The following FBXL19 variants were observed in gnomAD, a reference collection of about 807,000 sequenced individuals.
FBXL19 encodes the protein F-box/LRR-repeat protein 19.
A neutral mutation model predicts 71.2 loss-of-function variants in FBXL19; 16 were observed. The ratio of observed to expected loss-of-function variants is 0.22; its 90% CI spans 0.15 to 0.34. The LOEUF is 0.34. FBXL19 is among the 10% of genes least tolerant of loss of function. The probability of loss-of-function intolerance (pLI) is 1.00; values close to 1 mark genes in which losing one functional copy is unlikely to be tolerated. For missense variants in FBXL19, 658 were observed against 968.2 expected, an observed-to-expected ratio of 0.68 and a Z score of 4.25; for synonymous variants, 447 against 409.4, an observed-to-expected ratio of 1.09 and a Z score of -1.11.
intron 7 of FBXL19, among the ~76,000 whole-genome samples, chr16:30,941,486 A>G (rs1222695599): frequency 1.3e-5 from 2 of 152,116 alleles, no homozygotes; most frequent in Admixed American, 6.6e-5. Flanking sequence ...TTTTTTCAAA[A>G]AGTGGAAAAC....
Position 30,928,479 on chromosome 16 carries a change from C to G in FBXL19, c.640C>G (p.Arg214Gly), listed in dbSNP as rs746191715. ...CTCACCCTGGTAGGTGAAAGGAGGCCGAGAGAGGCACCTGAAGAAGGTGGG... is the reference window on the plus strand; with the variant it reads ...CTCACCCTGGTAGGTGAAAGGAGGCGGAGAGAGGCACCTGAAGAAGGTGGG... ...PTPRKKVKGG[R>G]ERHLKKVGGD... The change falls in exon 6 of 11, where the codon CGA (arginine) becomes GGA (glycine). Residue 214 changes from arginine to glycine, a missense_variant. By Grantham distance (125) the Arg-to-Gly change is moderately radical. Coordinates refer to ENST00000338343, the MANE Select transcript of FBXL19 (RefSeq NM_001382779.1). 1.9e-6 allele frequency: 3 copies of G among 1,588,458 alleles called. No homozygotes were observed. Among genetic ancestry groups the G allele is most frequent in the East Asian group, 2.3e-5 (1 of 43,196 alleles).
In FBXL19 at chr16:30,942,289, G is replaced by A. The variant is rs1210795857; in HGVS notation, c.1465+10G>A. 1.3e-6 allele frequency: 2 copies of A among 1,598,490 alleles called. No homozygotes were observed. The highest frequency in any genetic ancestry group is 3.5e-5 in the Admixed American group (2 of 57,880). On this transcript the variant is annotated intron_variant, in intron 8 of 10. Transcript: ENST00000338343. The surrounding 1 kb of genome is among the most constrained non-coding windows in gnomAD (Gnocchi z 5.7). ...CTGAACCGACTACAAGGTAGGGTGT[G>A]TGGTACGGAGGACAGGGTGGGGACA...
Position 30,930,201 on chromosome 16 carries a change from C to G in FBXL19, c.918C>G (p.Ser306=). 6.2e-7 allele frequency: 1 copy of G among 1,613,212 alleles called. No individual in the cohort carries two copies. Among genetic ancestry groups the G allele is most frequent in the South Asian group, 1.1e-5 (1 of 91,092 alleles). Reference sequence around the variant, plus strand: ...AACGGGTGCCTGACACCTCCTCTTCCTCCTCGGACTCAGACTCCGACTCCG... The same window carrying G: ...AACGGGTGCCTGACACCTCCTCTTCGTCCTCGGACTCAGACTCCGACTCCG... The part of the protein sequence containing the change: ...LLERVPDTSS[S]SSDSDSDSDS... The change falls in exon 7 of 11, where the codon TCC becomes TCG. Residue 306 remains serine (S), a synonymous_variant. Coordinates refer to ENST00000338343, the MANE Select transcript of FBXL19 (RefSeq NM_001382779.1). The surrounding 1 kb of genome is among the most constrained non-coding windows in gnomAD (Gnocchi z 8.5).
rs772220735 is a variant in FBXL19 at position 30,925,919 on chromosome 16, G to A, written c.165G>A (p.Arg55=). The A allele has an allele frequency of 4.0e-6, 6 of 1,488,766 alleles. No homozygotes were observed. The highest frequency in any genetic ancestry group is 2.8e-5 in the South Asian group (2 of 71,308). 92.2% of individuals were successfully genotyped at this position (1,488,766 alleles called of 1,614,324 possible). A position where few individuals can be genotyped will look rare whatever the true frequency, so the allele number is the denominator to read the frequency against. Residue 55 remains arginine, a synonymous_variant, in exon 2 of 11, where the codon CGG becomes CGA. Coordinates refer to ENST00000338343, the MANE Select transcript of FBXL19 (RefSeq NM_001382779.1). The surrounding 1 kb of genome is among the most constrained non-coding windows in gnomAD (Gnocchi z 5.0). The stretch of plus-strand genomic sequence containing the variant: ...GCATGAAGCAGTCGTGCCTGCTCCG[G>A]CAGTGCACTGCCGTGAGTTCTGCCC... ...PGRMKQSCLL[R]QCTAPVLPHT...
rs1258639019 is a variant in FBXL19, at chr16:30,930,049, A to G, written c.790-24A>G. The G allele has an allele frequency of 1.9e-6, 3 of 1,600,216 alleles. No homozygotes were observed. The East Asian group carries it at 6.7e-5, about 36-fold the overall frequency. ...GAAAATGTATCCCAGGCCCTAGAAC[A>G]GCATCAACCCTGTCTCCCTGCAGAA... On this transcript the variant is annotated intron_variant, in intron 6 of 10. Transcript: ENST00000338343. This position sits in a 1 kb window ranked among gnomAD's most constrained non-coding sequence, Gnocchi z 8.5.
intron 7 of FBXL19, among the ~76,000 whole-genome samples, chr16:30,936,012 T>C (rs1031509166): frequency 1.3e-5 from 2 of 152,162 alleles, no homozygotes; most frequent in African/African-American, 4.8e-5. Context: ...GTTGGACATA[T>C]GGACATGAAC....
At chr16:30,923,525 A>T (rs867295893), upstream of FBXL19, among the ~76,000 whole-genome samples, 12 of 72,502 alleles carry the variant, frequency 1.7e-4, no homozygotes, top group African/African-American at 6.6e-4. Context: ...AAAGAGGGGG[A>T]GGAGGAGGAG....
chr16:30,925,058 T>C lies in FBXL19; in HGVS notation c.-25+599T>C, dbSNP rs897904326. Among the ~76,000 whole-genome samples the C allele has an allele frequency of 6.6e-6, 1 of 152,106 alleles. No individual in the cohort carries two copies. Among genetic ancestry groups the C allele is most frequent in the Non-Finnish European group, 1.5e-5 (1 of 68,008 alleles). On this transcript the variant is annotated intron_variant, in intron 1 of 10. Transcript: ENST00000338343. The surrounding 1 kb of genome is among the most constrained non-coding windows in gnomAD (Gnocchi z 5.0). ...TGGGGAACAAGAGGGGCTGAGATCT[T>C]GGGCTGAGAAGGGTCTCTGAAGAAG...
intron 6 of FBXL19, 134 bp downstream of exon 6, chr16:30,928,762 C>G: frequency 6.4e-6 from 1 of 155,600 alleles, no homozygotes; most frequent in South Asian, 1.2e-4. Context: ...TGTCCGGACA[C>G]CTGGGATGAG....
intron 7 of FBXL19, among the ~76,000 whole-genome samples, chr16:30,938,608 T>G (rs1385336144): frequency 2.0e-5 from 3 of 152,158 alleles, no homozygotes; most frequent in Non-Finnish European, 4.4e-5. Flanking sequence ...AAAGGAAGTC[T>G]TTCCATTGGA....
At chr16:30,936,616 T>C (rs1400754158) in intron 7 of FBXL19, among the ~76,000 whole-genome samples, 1 of 148,166 alleles carries the variant, frequency 6.7e-6, no homozygotes, top group African/African-American at 2.5e-5. Flanking sequence ...TTTTTTTTTT[T>C]TTTTGTTTTT....
At position 30,930,343 on chromosome 16, in the gene FBXL19, C is replaced by T. The variant is rs1234120697; in HGVS notation, c.1060C>T (p.Arg354Cys). 11 of 1,587,576 alleles carry T rather than the reference C, an allele frequency of 6.9e-6. No individual in the cohort carries two copies. The highest frequency in any genetic ancestry group is 1.7e-5 in the Admixed American group (1 of 57,794). ...GAACCGTGGGGGGCGGCGGGCTGTGCGCCCTGGCAGTGGGGGGCCCCTACT... is the reference window on the plus strand; with the variant it reads ...GAACCGTGGGGGGCGGCGGGCTGTGTGCCCTGGCAGTGGGGGGCCCCTACT... ...KENRGGRRAVRPGSGGPLLSW... is the reference protein window; with the variant it reads ...KENRGGRRAVCPGSGGPLLSW... Residue 354 changes from arginine to cysteine, a missense_variant, in exon 7 of 11, where the codon CGC becomes TGC. Physicochemically the swap from Arg to Cys is radical, Grantham distance 180. Coordinates refer to ENST00000338343, the MANE Select transcript of FBXL19 (RefSeq NM_001382779.1). The surrounding 1 kb of genome is among the most constrained non-coding windows in gnomAD (Gnocchi z 8.5).
At chr16:30,935,150 G>T (rs1489721719) in intron 7 of FBXL19, among the ~76,000 whole-genome samples, 1 of 152,208 alleles carries the variant, frequency 6.6e-6, no homozygotes, top group Non-Finnish European at 1.5e-5. Flanking sequence ...TGCTCTGGGG[G>T]TTGGGGGTCC....
In FBXL19 at chr16:30,928,571, G is replaced by T. The variant is rs762980615; in HGVS notation, c.732G>T (p.Leu244=). 1 of 1,607,048 alleles carries T rather than the reference G, an allele frequency of 6.2e-7. No individual in the cohort carries two copies. The highest frequency in any genetic ancestry group is 2.3e-5 in the East Asian group (1 of 44,070). ...GGPGLLPPRV[L]NPSQAFSSCH... ...CGGGCCTGCTGCCCCCCAGGGTTCT[G>T]AATCCGAGCCAGGCTTTCTCATCCT... The change falls in exon 6 of 11, where the codon CTG becomes CTT. Residue 244 remains leucine (L), a synonymous_variant. Transcript: ENST00000338343.
At chr16:30,941,786 A>G (rs1202498330) in intron 7 of FBXL19, among the ~76,000 whole-genome samples, 1 of 152,222 alleles carries the variant, frequency 6.6e-6, no homozygotes, top group Non-Finnish European at 1.5e-5. Flanking sequence ...CACACTTTCT[A>G]TGCTGGGAGG....
chr16:30,929,000 C>A (rs556084790), intron 6 of FBXL19, among the ~76,000 whole-genome samples: 1 of 152,162 alleles, frequency 6.6e-6, no homozygotes, highest in Non-Finnish European at 1.5e-5. Flanking sequence ...GCCTGCCTTG[C>A]CCCCTTATCC....
chr16:30,939,709 C>T (rs1202247776), intron 7 of FBXL19, among the ~76,000 whole-genome samples: 1 of 151,994 alleles, frequency 6.6e-6, no homozygotes, highest in African/African-American at 2.4e-5. Flanking sequence ...TGAGCCACCG[C>T]GCCCGGCAAC....
Position 30,927,911 on chromosome 16 carries a change from C to G in FBXL19, c.575C>G (p.Pro192Arg), listed in dbSNP as rs1450364354. 3.9e-6 allele frequency: 6 copies of G among 1,544,106 alleles called. No homozygotes were observed. The highest frequency in any genetic ancestry group is 5.2e-6 in the Non-Finnish European group (6 of 1,152,874). The change falls in exon 5 of 11, where the codon CCC (proline) becomes CGC (arginine). Residue 192 changes from proline (P) to arginine (R), a missense_variant. Pro to Arg is a moderately radical substitution (Grantham distance 103). Around this residue, in one of 8 missense-constraint regions of FBXL19, gnomAD observed 447 missense variants for 515.4 expected, o/e 0.87. Coordinates refer to ENST00000338343, the MANE Select transcript of FBXL19 (RefSeq NM_001382779.1). ...CCCCCGGAGGACGTGCCTGGGCCCC[C>G]CAAACGAAAGGAAAGGGAGGCAGGG... ...GPPPEDVPGP[P>R]KRKEREAGNE...
rs903173400 is a variant in FBXL19, at chr16:30,948,631, C to T, written c.*1401C>T. ...GGACCAAAGGCCGGAGGGGTGGGGCCTGGGGATAGCGAGAGGCTTGAGAAT... is the reference window on the plus strand; with the variant it reads ...GGACCAAAGGCCGGAGGGGTGGGGCTTGGGGATAGCGAGAGGCTTGAGAAT... On this transcript the variant is annotated 3_prime_UTR_variant, in exon 11 of 11. Coordinates refer to ENST00000338343, the MANE Select transcript of FBXL19 (RefSeq NM_001382779.1). 5 of 151,826 alleles carry T rather than the reference C, an allele frequency of 3.3e-5. No homozygotes were observed. The highest frequency in any genetic ancestry group is 1.2e-4 in the African/African-American group (5 of 41,314). The allele number at this position is 151,826 out of a possible 1,614,324, so 9.4% of individuals were successfully genotyped here. A position where few individuals can be genotyped will look rare whatever the true frequency, so the allele number is the denominator to read the frequency against.
Sources: gnomAD v4.1 joint callset for allele counts (sites outside exome capture counted in the v4.1 genomes callset) on GRCh38, gnomAD v4.1.1 for gene constraint, gnomAD v4.1.1 regional missense constraint, Gnocchi (gnomAD v3.1) non-coding constraint, MANE v1.5 for transcripts, NCBI Gene and HGNC (gene_info 2026-07-23, HGNC 2026-07-21) for gene names.